TTK: variants seen among roughly 807,000 people sequenced by gnomAD.
The protein encoded by TTK is TTK protein kinase.
In TTK, 59 loss-of-function variants were observed where a neutral mutation model predicts 117.3. That is an observed-to-expected ratio of 0.50 (90% CI 0.41 to 0.62). The LOEUF is 0.62. Among genes scored for constraint, TTK ranks in the 20% least tolerant of loss-of-function variants. The probability of loss-of-function intolerance (pLI) is 0.00; values close to 1 mark genes in which losing one functional copy is unlikely to be tolerated. For missense variants in TTK, 921 were observed against 989.4 expected (o/e 0.93, Z 0.93); for synonymous variants, 302 against 325.0 (o/e 0.93, Z 0.76).
chr6:80,012,386 T>G (rs1292789605), intron 8 of TTK, among the ~76,000 whole-genome samples: 2 of 151,948 alleles, frequency 1.3e-5, no homozygotes, highest in African/African-American at 4.8e-5. Flanking sequence ...GTCAGTGGGA[T>G]AGATGATTAT....
intron 14 of TTK, among the ~76,000 whole-genome samples, chr6:80,034,239 G>C (rs1175547221): frequency 6.6e-6 from 1 of 152,086 alleles, no homozygotes; most frequent in Non-Finnish European, 1.5e-5. Context: ...AGAGTATCTA[G>C]AACAGTCATG....
rs370932587 is a variant in TTK at position 80,011,440 on chromosome 6, C to T, written c.620C>T (p.Thr207Met). 52 of 1,579,010 alleles carry T rather than the reference C, an allele frequency of 3.3e-5. 1 individual carries two copies. Among genetic ancestry groups the T allele is most frequent in the Middle Eastern group, 1.7e-4 (1 of 5,902 alleles). Residue 207 changes from threonine (T) to methionine (M), a missense_variant, in exon 6 of 22, where the codon ACG becomes ATG. Thr to Met is a moderately conservative substitution (Grantham distance 81). Transcript: ENST00000369798. ...EEEKKNLSASTVLTAQESFSG... is the reference protein window; with the variant it reads ...EEEKKNLSASMVLTAQESFSG... ...AGTTTCAAAATTTTTACAGCATCTA[C>T]GGTATTAACTGCCCAAGAATCATTT... is the stretch of plus-strand genomic sequence containing the variant.
chr6:80,029,644 A>C, intron 13 of TTK, among the ~76,000 whole-genome samples: 1 of 152,178 alleles, frequency 6.6e-6, no homozygotes, highest in East Asian at 1.9e-4. Context: ...GAGGTCAGGA[A>C]GGGGAAGGAG....
At chr6:80,016,421 G>C (rs755410802) in intron 10 of TTK, among the ~76,000 whole-genome samples, 1 of 152,060 alleles carries the variant, frequency 6.6e-6, no homozygotes, top group Admixed American at 6.6e-5. Context: ...TATCTACCTC[G>C]TTGTGGTTTT....
At chr6:80,030,602 A>C (rs1179741466) in intron 13 of TTK, among the ~76,000 whole-genome samples, 4 of 152,102 alleles carry the variant, frequency 2.6e-5, no homozygotes, top group Non-Finnish European at 5.9e-5. Context: ...ACATGGCTGG[A>C]GTGGGAGGGA....
At chr6:80,005,793 T>G in intron 1 of TTK, 49 bp from the exon 2 acceptor site, 1 of 1,583,520 alleles carries the variant, frequency 6.3e-7, no homozygotes, top group Non-Finnish European at 8.5e-7. Context: ...CATTTTTTTC[T>G]TTGATGCTAG....
chr6:80,013,565 G>A (rs1767223851), intron 9 of TTK, 199 bp downstream of exon 9: 6 of 431,162 alleles, frequency 1.4e-5, no homozygotes, highest in Non-Finnish European at 2.4e-5. Flanking sequence ...AGATTAAGGT[G>A]GTAGAGCAAG....
intron 21 of TTK, among the ~76,000 whole-genome samples, chr6:80,041,075 G>T (rs1270929018): frequency 1.3e-5 from 2 of 151,688 alleles, no homozygotes; most frequent in African/African-American, 4.8e-5. Context: ...TACATGTAAT[G>T]GCTTTTTTGA....
intron 17 of TTK, among the ~76,000 whole-genome samples, chr6:80,036,842 C>T (rs1306924421): frequency 1.3e-5 from 2 of 152,086 alleles, no homozygotes; most frequent in Admixed American, 1.3e-4. Flanking sequence ...AGTAGAGAAA[C>T]AGTAATACCT....
intron 13 of TTK, among the ~76,000 whole-genome samples, chr6:80,028,389 G>T (rs189733374): frequency 6.6e-6 from 1 of 151,510 alleles, no homozygotes; most frequent in Admixed American, 6.6e-5. Context: ...GCGATCTCGG[G>T]TGACTACAAC....
chr6:80,029,854 A>G (rs1767707481), intron 13 of TTK, among the ~76,000 whole-genome samples: 1 of 152,208 alleles, frequency 6.6e-6, no homozygotes, highest in Admixed American at 6.5e-5. Flanking sequence ...AGAAATAAGA[A>G]TTACTTTATT....
chr6:80,030,302 T>C (rs1767722744), intron 13 of TTK, among the ~76,000 whole-genome samples: 1 of 152,150 alleles, frequency 6.6e-6, no homozygotes, highest in Non-Finnish European at 1.5e-5. Flanking sequence ...CACAGAGAGA[T>C]CCTCCAATAT....
chr6:80,013,340 G>T lies in TTK; in HGVS notation c.958G>T (p.Asp320Tyr). Residue 320 changes from aspartate to tyrosine, a missense_variant, in exon 9 of 22, where the codon GAT becomes TAT. Physicochemically the swap from Asp to Tyr is radical, Grantham distance 160 (BLOSUM62 -3). Transcript: ENST00000369798. ...VVPGSKPSGN[D>Y]SCELRNLKSV... is the part of the protein sequence containing the mutation. ...GCCTGGATCTAAACCAAGTGGAAAT[G>T]ATTCCTGTGAATTAAGAAATTTAAA... 1.2e-6 allele frequency: 2 copies of T among 1,602,138 alleles called. No individual in the cohort carries two copies. The highest frequency in any genetic ancestry group is 1.1e-5 in the South Asian group (1 of 88,446).
At position 80,042,135 on chromosome 6, in the gene TTK, A is replaced by G. The variant is rs775882099; in HGVS notation, c.2507A>G (p.Tyr836Cys). 1.6e-5 allele frequency: 26 copies of G among 1,601,164 alleles called. No individual in the cohort carries two copies. Among genetic ancestry groups the G allele is most frequent in the Non-Finnish European group, 1.9e-5 (22 of 1,172,918 alleles). ...TAATTTCAGACTTTATATGAACACT[A>G]TAGTGGTGGTGAAAGTCATAATTCT... ...LKAAKTLYEH[Y>C]SGGESHNSSS... The change falls in exon 22 of 22, where the codon TAT becomes TGT. Residue 836 changes from tyrosine (Y) to cysteine (C), a missense_variant. Physicochemically the swap from Tyr to Cys is radical, Grantham distance 194. Transcript: ENST00000369798.
At chr6:80,036,331 A>G (rs1343844469) in intron 16 of TTK, 144 bp from the exon 17 acceptor site, 2 of 943,258 alleles carry the variant, frequency 2.1e-6, no homozygotes, top group Non-Finnish European at 3.0e-6. Context: ...GTGCTATGTA[A>G]ATATTTGCAG....
In TTK at chr6:80,005,895, A is replaced by G. The variant is rs757845279; in HGVS notation, c.52A>G (p.Asn18Asp). The G allele has an allele frequency of 2.2e-5, 36 of 1,612,414 alleles. No individual in the cohort carries two copies. Among genetic ancestry groups the G allele is most frequent in the Non-Finnish European group, 3.0e-5 (35 of 1,179,598 alleles). The change falls in exon 2 of 22, where the codon AAC (asparagine) becomes GAC (aspartate). Residue 18 changes from asparagine to aspartate, a missense_variant. Physicochemically the swap from Asn to Asp is conservative, Grantham distance 23. Coordinates refer to ENST00000369798, the MANE Select transcript of TTK (RefSeq NM_003318.5). Reference sequence around the variant, plus strand: ...AGAATTGACAATTGATTCCATAATGAACAAAGTGAGAGACATTAAAAATAA... The same window carrying G: ...AGAATTGACAATTGATTCCATAATGGACAAAGTGAGAGACATTAAAAATAA... ...GRELTIDSIMNKVRDIKNKFK... is the reference protein window; with the variant it reads ...GRELTIDSIMDKVRDIKNKFK...
intron 18 of TTK, among the ~76,000 whole-genome samples, chr6:80,039,352 A>T (rs1767985887): frequency 6.7e-6 from 1 of 149,672 alleles, no homozygotes; most frequent in African/African-American, 2.5e-5. Context: ...CTTTGTACTT[A>T]TATAAAAATT....
At chr6:80,026,816 T>C (rs1767620662) in intron 12 of TTK, among the ~76,000 whole-genome samples, 1 of 152,236 alleles carries the variant, frequency 6.6e-6, no homozygotes. Flanking sequence ...GCCATACAGA[T>C]ATCTCTCTAT....
Position 80,040,230 on chromosome 6 carries a change from C to A in TTK, c.2342C>A (p.Ser781Tyr). ...CLKRDPKQRI[S>Y]IPELLAHPYV... ...AAAAGGGACCCAAAACAGAGGATATCCATTCCTGAGCTCCTGGCTCATCCA... is the reference window on the plus strand; with the variant it reads ...AAAAGGGACCCAAAACAGAGGATATACATTCCTGAGCTCCTGGCTCATCCA... The change falls in exon 20 of 22, where the codon TCC (serine) becomes TAC (tyrosine). Residue 781 changes from serine to tyrosine, a missense_variant. By Grantham distance (144) the Ser-to-Tyr change is moderately radical (BLOSUM62 -2). Transcript: ENST00000369798. 6.3e-7 allele frequency: 1 copy of A among 1,591,890 alleles called. No individual in the cohort carries two copies. Among genetic ancestry groups the A allele is most frequent in the Non-Finnish European group, 8.5e-7 (1 of 1,170,060 alleles).
Sources: gnomAD v4.1 joint callset for allele counts (sites outside exome capture counted in the v4.1 genomes callset) on GRCh38, gnomAD v4.1.1 for gene constraint, MANE v1.5 for transcripts, NCBI Gene and HGNC (gene_info 2026-07-23, HGNC 2026-07-21) for gene names.